EPHA6: variants seen among roughly 807,000 people sequenced by gnomAD.
EPHA6 encodes the protein ephrin type-A receptor 6.
In EPHA6, 50 loss-of-function variants were observed where a neutral mutation model predicts 112.0. That is an observed-to-expected ratio of 0.45 (90% CI 0.36 to 0.56). The LOEUF is 0.56. Among genes scored for constraint, EPHA6 ranks in the 20% least tolerant of loss-of-function variants. The probability of loss-of-function intolerance (pLI) is 0.00; values close to 1 mark genes in which losing one functional copy is unlikely to be tolerated. For missense variants in EPHA6, 1,280 were observed against 1,417.4 expected (o/e 0.90, Z 1.56); for synonymous variants, 529 against 490.7 (o/e 1.08, Z -1.03).
chr3:96,891,439 C>G (rs980573077), intron 2 of EPHA6, among the ~76,000 whole-genome samples: 1 of 151,984 alleles, frequency 6.6e-6, no homozygotes, highest in East Asian at 1.9e-4. Flanking sequence ...GGCCAGAAAT[C>G]AGGCTTTTAA....
chr3:97,155,937 C>G (rs1226133911), intron 3 of EPHA6, among the ~76,000 whole-genome samples: 1 of 152,146 alleles, frequency 6.6e-6, no homozygotes, highest in Non-Finnish European at 1.5e-5. Context: ...AGAAACAGCT[C>G]TCTGCTCATA....
At chr3:97,536,392 G>T (rs950388766) in intron 11 of EPHA6, among the ~76,000 whole-genome samples, 2 of 152,072 alleles carry the variant, frequency 1.3e-5, no homozygotes, top group Non-Finnish European at 2.9e-5. Context: ...AGCTTAGACA[G>T]CAACAACTAA....
intron 6 of EPHA6, among the ~76,000 whole-genome samples, chr3:97,436,923 T>C (rs1261749749): frequency 6.6e-6 from 1 of 152,168 alleles, no homozygotes; most frequent in Non-Finnish European, 1.5e-5. Flanking sequence ...AATTTTATTG[T>C]GTATAATTAA....
intron 10 of EPHA6, among the ~76,000 whole-genome samples, chr3:97,510,757 G>A (rs541276338): frequency 6.6e-6 from 1 of 152,338 alleles, no homozygotes; most frequent in African/African-American, 2.4e-5. Flanking sequence ...AGCAGGCAGG[G>A]ATGTTTAAGT....
intron 11 of EPHA6, among the ~76,000 whole-genome samples, chr3:97,581,596 C>A (rs561371162): frequency 6.6e-6 from 1 of 152,224 alleles, no homozygotes; most frequent in African/African-American, 2.4e-5. Context: ...TTGTGCCAGG[C>A]ACTTTATAAA....
At chr3:97,436,924 G>C (rs920095584) in intron 6 of EPHA6, among the ~76,000 whole-genome samples, 7 of 152,028 alleles carry the variant, frequency 4.6e-5, no homozygotes, top group Non-Finnish European at 8.8e-5. Flanking sequence ...ATTTTATTGT[G>C]TATAATTAAG....
intron 3 of EPHA6, among the ~76,000 whole-genome samples, chr3:97,018,278 G>A (rs1295417087): frequency 5.3e-5 from 8 of 151,870 alleles, no homozygotes; most frequent in Non-Finnish European, 7.4e-5. Context: ...CCACAGGGTC[G>A]GTGGGTCTCT....
Position 97,448,692 on chromosome 3 carries a change from G to T in EPHA6, c.1856G>T (p.Gly619Val). The T allele has an allele frequency of 6.2e-7, 1 of 1,613,434 alleles. No individual in the cohort carries two copies. The highest frequency in any genetic ancestry group is 8.5e-7 in the Non-Finnish European group (1 of 1,179,522). The stretch of plus-strand genomic sequence containing the variant: ...GTGAGAACTGCGACAGGATACAGTG[G>T]CTACAGTCAGAAATTTGAATTTGAA... ...IRVRTATGYS[G>V]YSQKFEFETG... The change falls in exon 7 of 18, where the codon GGC (glycine) becomes GTC (valine). Residue 619 changes from glycine (G) to valine (V), a missense_variant. Gly to Val is a moderately radical substitution (Grantham distance 109). Around this residue, in one of 4 missense-constraint regions of EPHA6, gnomAD observed 878 missense variants for 999.7 expected, o/e 0.88. Coordinates refer to ENST00000389672, the MANE Select transcript of EPHA6 (RefSeq NM_001080448.3).
intron 3 of EPHA6, among the ~76,000 whole-genome samples, chr3:97,033,871 A>G (rs762775350): frequency 6.6e-5 from 10 of 151,972 alleles, no homozygotes; most frequent in African/African-American, 9.7e-5. Context: ...TCAAGTAATG[A>G]AAACTTGATA....
intron 2 of EPHA6, among the ~76,000 whole-genome samples, chr3:96,935,415 T>C (rs1208048449): frequency 6.6e-6 from 1 of 151,348 alleles, no homozygotes; most frequent in East Asian, 1.9e-4. Context: ...TACACATATT[T>C]TAACTATTAT....
intron 7 of EPHA6, among the ~76,000 whole-genome samples, chr3:97,461,843 C>T (rs1294495549): frequency 6.6e-6 from 1 of 152,120 alleles, no homozygotes; most frequent in Admixed American, 6.5e-5. Flanking sequence ...GAAGAAACTC[C>T]ACGTTTTGAC....
At chr3:97,437,512 T>C (rs1012802139) in intron 6 of EPHA6, among the ~76,000 whole-genome samples, 3 of 152,220 alleles carry the variant, frequency 2.0e-5, no homozygotes, top group African/African-American at 7.2e-5. Flanking sequence ...CTCAGTGGCA[T>C]TTGTTGCTAA....
chr3:97,388,862 A>G lies in EPHA6; in HGVS notation c.1607-16288A>G, dbSNP rs1242863870. ...AATGCAGGGAGATAGTGACTAAAGTAAGGAAACTGATCTGCACAGCTATTC... is the reference window on the plus strand; with the variant it reads ...AATGCAGGGAGATAGTGACTAAAGTGAGGAAACTGATCTGCACAGCTATTC... On this transcript the variant is annotated intron_variant, in intron 5 of 17. Coordinates refer to ENST00000389672, the MANE Select transcript of EPHA6 (RefSeq NM_001080448.3). Among the ~76,000 whole-genome samples the G allele has an allele frequency of 4.6e-5, 7 of 152,288 alleles. No individual in the cohort carries two copies. The East Asian group carries it at 1.4e-3, about 29-fold the overall frequency.
chr3:97,425,750 G>C (rs929811549), intron 6 of EPHA6, among the ~76,000 whole-genome samples: 1 of 152,108 alleles, frequency 6.6e-6, no homozygotes, highest in Non-Finnish European at 1.5e-5. Context: ...GCATTGTCAG[G>C]CTGCAAATTT....
intron 3 of EPHA6, among the ~76,000 whole-genome samples, chr3:97,102,943 G>A (rs1418532182): frequency 3.9e-5 from 6 of 151,956 alleles, no homozygotes; most frequent in Admixed American, 3.9e-4. Context: ...AAAAGTATCT[G>A]TTTATTTATG....
intron 12 of EPHA6, among the ~76,000 whole-genome samples, chr3:97,598,314 TG>T (rs2093611762): frequency 6.6e-6 from 1 of 151,758 alleles, no homozygotes; most frequent in African/African-American, 2.4e-5. Context: ...GTGCACATTG[TG>T]CAGGTTAATT....
chr3:97,567,706 A>G (rs1328503098), intron 11 of EPHA6, among the ~76,000 whole-genome samples: 1 of 152,164 alleles, frequency 6.6e-6, no homozygotes, highest in Non-Finnish European at 1.5e-5. Context: ...TCCACAATAC[A>G]AGGAACACTA....
At chr3:97,433,708 A>G (rs2089653268) in intron 6 of EPHA6, among the ~76,000 whole-genome samples, 1 of 152,186 alleles carries the variant, frequency 6.6e-6, no homozygotes, top group Non-Finnish European at 1.5e-5. Flanking sequence ...AGTCAGGTGG[A>G]TGACCTCCTT....
At chr3:97,054,608 T>C (rs1353231674) in intron 3 of EPHA6, among the ~76,000 whole-genome samples, 1 of 152,140 alleles carries the variant, frequency 6.6e-6, no homozygotes, top group Non-Finnish European at 1.5e-5. Flanking sequence ...ATTATGTCAT[T>C]ATACACTGAA....
Sources: allele counts gnomAD v4.1 joint callset (sites outside exome capture counted in the v4.1 genomes callset), GRCh38; gene constraint gnomAD v4.1.1; regional missense constraint gnomAD v4.1.1; transcripts MANE v1.5; gene names NCBI Gene and HGNC (gene_info 2026-07-23, HGNC 2026-07-21).